Variants in FOCAD observed in about 807,000 individuals in gnomAD.
The protein encoded by FOCAD is focadhesin.
A neutral mutation model predicts 225.6 loss-of-function variants in FOCAD; 198 were observed. The ratio of observed to expected loss-of-function variants is 0.88; its 90% CI spans 0.78 to 0.99. The LOEUF is 0.99. FOCAD is among the 50% of genes least tolerant of loss of function. The probability of loss-of-function intolerance (pLI) is 0.00; values close to 1 mark genes in which losing one functional copy is unlikely to be tolerated. For missense variants in FOCAD, 2,713 were observed against 2,123.6 expected (o/e 1.28, Z -5.46); for synonymous variants, 897 against 755.0 (o/e 1.19, Z -3.08).
Position 20,752,399 on chromosome 9 carries a change from C to T in FOCAD, c.393-5691C>T, listed in dbSNP as rs965322150. 3.1e-3 allele frequency among the ~76,000 whole-genome samples: 469 copies of T among 152,008 alleles called. 5 individuals are homozygous for T. Among genetic ancestry groups the T allele is most frequent in the African/African-American group, 0.011 (455 of 41,452 alleles). On this transcript the variant is annotated intron_variant, in intron 5 of 43. Transcript: ENST00000338382. ...TATGGCTAGCCAGTTTTCCCAGCAC[C>T]ATTTATTAAATAGGGAATCCTTTCC...
At position 20,748,685 on chromosome 9, in the gene FOCAD, C is replaced by T. The variant is rs565452643; in HGVS notation, c.392+8345C>T. On this transcript the variant is annotated intron_variant, in intron 5 of 43. Coordinates refer to ENST00000338382, the MANE Select transcript of FOCAD (RefSeq NM_001375567.1). ...AATACTTTTCAAGGGCCATCTGTCT[C>T]TTTGCAGTTCCATTCTTTCTCTCTA... Among the ~76,000 whole-genome samples the T allele has an allele frequency of 1.7e-3, 256 of 152,206 alleles. 2 individuals are homozygous for T. Among genetic ancestry groups the T allele is most frequent in the Middle Eastern group, 3.4e-3 (1 of 294 alleles).
chr9:20,776,277 A>G lies in FOCAD; in HGVS notation c.907-2404A>G, dbSNP rs182959453. Among the ~76,000 whole-genome samples the G allele has an allele frequency of 2.3e-4, 35 of 152,318 alleles. No individual in the cohort carries two copies. In the East Asian group the frequency reaches 5.6e-3, roughly 24 times the overall value. Reference sequence around the variant, plus strand: ...CTTCCTTGTACTTCTAGAGTGCGCTATTCTGGGGCAGGGAGCAAGAGGTGC... The same window carrying G: ...CTTCCTTGTACTTCTAGAGTGCGCTGTTCTGGGGCAGGGAGCAAGAGGTGC... On this transcript the variant is annotated intron_variant, in intron 8 of 43. Transcript: ENST00000338382.
chr9:20,902,915 T>C (rs926484617), intron 21 of FOCAD, among the ~76,000 whole-genome samples: 12 of 151,906 alleles, frequency 7.9e-5, no homozygotes, highest in African/African-American at 2.9e-4. Flanking sequence ...TGGTGAGAGG[T>C]GAAAGTTTGA....
intron 15 of FOCAD, among the ~76,000 whole-genome samples, chr9:20,845,608 A>G (rs1412516092): frequency 6.6e-6 from 1 of 151,882 alleles, no homozygotes; most frequent in Non-Finnish European, 1.5e-5. Flanking sequence ...ACTGTAGCAC[A>G]TATCTCTGAT....
chr9:20,720,636 G>T, intron 4 of FOCAD, 102 bp downstream of exon 4: 1 of 1,170,000 alleles, frequency 8.5e-7, no homozygotes, highest in Non-Finnish European at 1.2e-6. Flanking sequence ...CTTGCCAGTT[G>T]TTTTTCTTGC....
At chr9:20,802,454 A>G (rs1317670226) in intron 11 of FOCAD, among the ~76,000 whole-genome samples, 3 of 152,114 alleles carry the variant, frequency 2.0e-5, no homozygotes, top group African/African-American at 4.8e-5. Context: ...AGTAGATACA[A>G]TTAGATTTAG....
At chr9:20,764,559 T>C (rs1265646191) in intron 6 of FOCAD, among the ~76,000 whole-genome samples, 3 of 152,214 alleles carry the variant, frequency 2.0e-5, no homozygotes, top group Non-Finnish European at 4.4e-5. Context: ...CCAGCCCAGA[T>C]GATTCTTGTG....
chr9:20,915,575 C>T (rs916630201), intron 23 of FOCAD, among the ~76,000 whole-genome samples: 2 of 151,944 alleles, frequency 1.3e-5, no homozygotes, highest in African/African-American at 2.4e-5. Flanking sequence ...GAGACAAAAG[C>T]CAGGTTCTAG....
intron 15 of FOCAD, among the ~76,000 whole-genome samples, chr9:20,824,151 A>G (rs189260792): frequency 2.0e-4 from 30 of 152,254 alleles, no homozygotes; most frequent in African/African-American, 7.2e-4. Context: ...GCAAGGGGCT[A>G]TTATAGCAGG....
At chr9:20,707,609 A>T (rs1169736709) in intron 1 of FOCAD, among the ~76,000 whole-genome samples, 2 of 152,194 alleles carry the variant, frequency 1.3e-5, no homozygotes, top group African/African-American at 4.8e-5. Flanking sequence ...AATCATAAAG[A>T]AGAGAACTTT....
chr9:20,716,312 C>T (rs77014292), intron 2 of FOCAD: 7,915 of 211,798 alleles, frequency 0.037, 179 homozygotes, highest in Middle Eastern at 0.11. Flanking sequence ...AATGCCCATA[C>T]GTGTTACTGT....
At chr9:20,681,582 TC>T (rs1822398794), upstream of FOCAD, among the ~76,000 whole-genome samples, 1 of 152,220 alleles carries the variant, frequency 6.6e-6, no homozygotes, top group Non-Finnish European at 1.5e-5. Flanking sequence ...CCTTTCTAGT[TC>T]TAAAAGCCTA....
chr9:20,888,122 CTTTT>C (rs796233520), intron 21 of FOCAD, among the ~76,000 whole-genome samples: 1 of 82,478 alleles, frequency 1.2e-5, no homozygotes, highest in Admixed American at 1.2e-4. Context: ...TTTTCATTTT[CTTTT>C]TTTTTTTTTC....
chr9:20,710,928 ACTT>A, intron 1 of FOCAD, among the ~76,000 whole-genome samples: 1 of 152,334 alleles, frequency 6.6e-6, no homozygotes, highest in Non-Finnish European at 1.5e-5. Context: ...TGGGCCACCC[ACTT>A]CTTTTTGTAA....
At chr9:20,934,486 T>C (rs1010158687) in intron 28 of FOCAD, among the ~76,000 whole-genome samples, 5 of 152,120 alleles carry the variant, frequency 3.3e-5, no homozygotes, top group Non-Finnish European at 5.9e-5. Flanking sequence ...GCACCATTTG[T>C]TGAGTAGGGT....
intron 11 of FOCAD, among the ~76,000 whole-genome samples, chr9:20,809,852 G>C (rs971419769): frequency 3.9e-5 from 6 of 152,060 alleles, no homozygotes; most frequent in Non-Finnish European, 8.8e-5. Context: ...TAACTCATAA[G>C]AGAGTTTTCT....
intron 18 of FOCAD, among the ~76,000 whole-genome samples, chr9:20,868,554 A>G (rs1046946537): frequency 1.3e-5 from 2 of 152,156 alleles, no homozygotes; most frequent in African/African-American, 4.8e-5. Flanking sequence ...TGATCCCTGA[A>G]TAGCCATAAA....
chr9:20,692,668 C>T (rs75833863), intron 1 of FOCAD, among the ~76,000 whole-genome samples: 3 of 152,066 alleles, frequency 2.0e-5, no homozygotes, highest in Non-Finnish European at 4.4e-5. Flanking sequence ...CTCTGCTCTA[C>T]GTGGTCAGTA....
intron 11 of FOCAD, among the ~76,000 whole-genome samples, chr9:20,817,375 ACCACCCCCTGCTTCTTACTTGC>A (rs1472530510): frequency 6.6e-6 from 1 of 151,952 alleles, no homozygotes; most frequent in Non-Finnish European, 1.5e-5. Flanking sequence ...ACCCTTCCTG[ACCACCCCCTGCTTCTTACTTGC>A]CCTATCCTAG....
Sources: allele counts gnomAD v4.1 joint callset (sites outside exome capture counted in the v4.1 genomes callset), GRCh38; gene constraint gnomAD v4.1.1; transcripts MANE v1.5; gene names NCBI Gene and HGNC (gene_info 2026-07-23, HGNC 2026-07-21).